CPVL: variants seen among roughly 807,000 people sequenced by gnomAD.
CPVL encodes the protein probable serine carboxypeptidase CPVL.
In CPVL, 51 loss-of-function variants were observed where a neutral mutation model predicts 63.7. The observed-to-expected ratio is 0.80, with a 90% CI of 0.64 to 1.01. CPVL has a LOEUF of 1.01. Ranked by LOEUF, CPVL falls within the 50% of genes least tolerant of loss-of-function variation. CPVL has a pLI of 0.00. For synonymous variants in CPVL, 195 were observed against 206.0 expected, an observed-to-expected ratio of 0.95 and a Z score of 0.46; for missense variants, 530 against 573.1, an observed-to-expected ratio of 0.92 and a Z score of 0.77.
intron 11 of CPVL, among the ~76,000 whole-genome samples, chr7:29,062,901 G>T (rs1782768291): frequency 6.6e-6 from 1 of 152,152 alleles, no homozygotes; most frequent in South Asian, 2.1e-4. Context: ...TTCAAAACAG[G>T]ATATAGGGAG....
In CPVL at chr7:29,120,902, T is replaced by G; in HGVS notation, c.160A>C (p.Ile54Leu). 6.2e-7 allele frequency: 1 copy of G among 1,612,584 alleles called. No individual in the cohort carries two copies. Reference protein sequence around the residue: ...FLTPYIEAGKIQKGRELSLVG... With the variant: ...FLTPYIEAGKLQKGRELSLVG... The stretch of plus-strand genomic sequence containing the variant: ...AATTAAACTTACTTACCTTTTTGGA[T>G]CTTCCCAGCTTCAATGTAAGGGGTG... The change falls in exon 2 of 13, where the codon ATC (isoleucine) becomes CTC (leucine). Residue 54 changes from isoleucine (I) to leucine (L), a missense_variant. Coordinates refer to ENST00000265394, the MANE Select transcript of CPVL (RefSeq NM_031311.5).
intron 9 of CPVL, among the ~76,000 whole-genome samples, chr7:29,071,153 A>C (rs1224997043): frequency 6.6e-6 from 1 of 152,218 alleles, no homozygotes. Flanking sequence ...CCTAATATTT[A>C]GTATATTCTT....
At chr7:29,070,161 GT>G (rs1184757521) in intron 9 of CPVL, among the ~76,000 whole-genome samples, 1 of 152,122 alleles carries the variant, frequency 6.6e-6, no homozygotes, top group African/African-American at 2.4e-5. Flanking sequence ...GCCTTCAAAC[GT>G]TTTACCTGCT....
At position 29,030,615 on chromosome 7, in the gene CPVL, C is replaced by A. The variant is rs752549832; in HGVS notation, c.1282G>T (p.Val428Leu). Residue 428 changes from valine (V) to leucine (L), a missense_variant, in exon 12 of 13, where the codon GTG becomes TTG. By Grantham distance (32) the Val-to-Leu change is conservative. Transcript: ENST00000265394. ...VWKIFKSDSE[V>L]AGYIRQAGDF... ...CCCGCTTGCCGGATGTAACCAGCCA[C>A]TTCACTGTCAGATTTAAAGATCTTC... is the stretch of plus-strand genomic sequence containing the variant. 1 of 1,613,786 alleles carries A rather than the reference C, an allele frequency of 6.2e-7. No individual in the cohort carries two copies. The highest frequency in any genetic ancestry group is 1.1e-5 in the South Asian group (1 of 90,988).
At chr7:29,148,227 T>C (rs1793047300), upstream of CPVL, among the ~76,000 whole-genome samples, 1 of 152,226 alleles carries the variant, frequency 6.6e-6, no homozygotes, top group African/African-American at 2.4e-5. Context: ...AAGGGCTCCT[T>C]GGGTCTAAGT....
intron 9 of CPVL, among the ~76,000 whole-genome samples, chr7:29,068,762 T>G (rs1289982246): frequency 6.6e-6 from 1 of 150,660 alleles, no homozygotes; most frequent in Non-Finnish European, 1.5e-5. Context: ...TGGCGCGATC[T>G]TGGCTCACTG....
At position 29,109,320 on chromosome 7, in the gene CPVL, T is replaced by TC. The variant is rs568030759; in HGVS notation, c.288+3383dup. ...AACAAAACTAATTTAAGAAACAGCA[T>TC]CCCCCCAAAAAATACTCAGAGGATA... On this transcript the variant is annotated intron_variant, in intron 3 of 12. Coordinates refer to ENST00000265394, the MANE Select transcript of CPVL (RefSeq NM_031311.5). Among the ~76,000 whole-genome samples, 40 of 152,116 alleles carry TC rather than the reference T, an allele frequency of 2.6e-4. No homozygotes were observed. In the Middle Eastern group the frequency reaches 0.014, roughly 52 times the overall value.
At chr7:29,040,584 G>A (rs753316530) in intron 11 of CPVL, among the ~76,000 whole-genome samples, 3 of 152,154 alleles carry the variant, frequency 2.0e-5, no homozygotes, top group Non-Finnish European at 2.9e-5. Context: ...AGTCATTTCT[G>A]CAACCAAGTT....
intron 12 of CPVL, among the ~76,000 whole-genome samples, chr7:29,019,366 G>A (rs1235126543): frequency 6.6e-6 from 1 of 152,166 alleles, no homozygotes; most frequent in Admixed American, 6.5e-5. Flanking sequence ...AGCCAACAAG[G>A]AGGAACAAGA....
intron 12 of CPVL, among the ~76,000 whole-genome samples, chr7:29,022,561 T>C (rs1169970070): frequency 6.6e-6 from 1 of 151,700 alleles, no homozygotes; most frequent in African/African-American, 2.4e-5. Flanking sequence ...TATCCAGGAG[T>C]CTAGGGATTG....
intron 9 of CPVL, 65 bp downstream of exon 9, chr7:29,071,708 C>CGGGGG: frequency 2.8e-6 from 2 of 714,240 alleles, no homozygotes; most frequent in Non-Finnish European, 2.4e-6. Context: ...TGTTCCTGCT[C>CGGGGG]ACCCGCCCTC....
At chr7:29,121,199 T>A in intron 1 of CPVL, 128 bp from the exon 2 acceptor site, 1 of 786,554 alleles carries the variant, frequency 1.3e-6, no homozygotes, top group Non-Finnish European at 1.9e-6. Flanking sequence ...GCAAGGACCT[T>A]GGATAGCACC....
intron 1 of CPVL, among the ~76,000 whole-genome samples, chr7:29,188,968 A>ATTTTTTT (rs1799054654): frequency 1.1e-5 from 1 of 93,530 alleles, no homozygotes; most frequent in African/African-American, 4.6e-5. Flanking sequence ...TTTTTTTTTG[A>ATTTTTTT]GACAGAATCT....
intron 4 of CPVL, 63 bp from the exon 5 acceptor site, chr7:29,095,205 G>T: frequency 7.1e-7 from 1 of 1,416,028 alleles, no homozygotes; most frequent in South Asian, 1.1e-5. Context: ...GAGGCCTCAT[G>T]GTGGTCAGAA....
chr7:29,112,401 A>G (rs935721163), intron 3 of CPVL, among the ~76,000 whole-genome samples: 2 of 152,106 alleles, frequency 1.3e-5, no homozygotes, highest in Admixed American at 6.5e-5. Flanking sequence ...TTAGAACAAA[A>G]ATACAACAAA....
intron 12 of CPVL, among the ~76,000 whole-genome samples, chr7:29,000,540 C>T (rs553427021): frequency 4.1e-4 from 63 of 152,106 alleles, no homozygotes; most frequent in African/African-American, 1.3e-3. Context: ...CGTGAAGCTG[C>T]GGGCGCATGC....
At chr7:29,120,594 T>C (rs1189195104) in intron 2 of CPVL, among the ~76,000 whole-genome samples, 2 of 151,566 alleles carry the variant, frequency 1.3e-5, no homozygotes, top group Non-Finnish European at 2.9e-5. Context: ...GAGGCCGAGG[T>C]GGGTGAATCT....
Position 29,013,700 on chromosome 7 carries a change from A to G in CPVL, c.1320+16877T>C, listed in dbSNP as rs998613908. Among the ~76,000 whole-genome samples the G allele has an allele frequency of 2.6e-5, 4 of 152,304 alleles. 1 individual carries two copies. The highest frequency in any genetic ancestry group is 3.4e-3 in the Middle Eastern group (1 of 294). The stretch of plus-strand genomic sequence containing the variant: ...GGTGGCCTTTGTGGTAGACATAGAG[A>G]TGCACCCCACTGGACCTCTCTTCAA... On this transcript the variant is annotated intron_variant, in intron 12 of 12. Transcript: ENST00000265394.
intron 3 of CPVL, 73 bp downstream of exon 3, chr7:29,112,631 G>A: frequency 1.1e-6 from 1 of 936,076 alleles, no homozygotes; most frequent in Non-Finnish European, 1.7e-6. Context: ...CTGTAGCTCG[G>A]TAGGCTAACA....
Sources: gnomAD v4.1 joint callset for allele counts (sites outside exome capture counted in the v4.1 genomes callset) on GRCh38, gnomAD v4.1.1 for gene constraint, MANE v1.5 for transcripts, NCBI Gene and HGNC (gene_info 2026-07-23, HGNC 2026-07-21) for gene names.